SUGCT: variants seen among roughly 807,000 people sequenced by gnomAD.
The protein encoded by SUGCT is succinyl-CoA:glutarate-CoA transferase.
SUGCT carries 41 observed loss-of-function variants against 55.0 expected under a neutral mutation model. That is an observed-to-expected ratio of 0.74 (90% CI 0.58 to 0.97). The LOEUF is 0.97. Ranked by LOEUF, SUGCT falls within the 50% of genes least tolerant of loss-of-function variation. The pLI is 0.00. For synonymous variants in SUGCT, 187 were observed against 200.4 expected, an observed-to-expected ratio of 0.93 and a Z score of 0.56; for missense variants, 568 against 547.8, an observed-to-expected ratio of 1.04 and a Z score of -0.37.
At chr7:40,547,712 A>T (rs1368305241) in intron 12 of SUGCT, among the ~76,000 whole-genome samples, 1 of 152,220 alleles carries the variant, frequency 6.6e-6, no homozygotes, top group Non-Finnish European at 1.5e-5. Context: ...TTCTCTTTAT[A>T]GCTTTTTAAA....
intron 12 of SUGCT, among the ~76,000 whole-genome samples, chr7:40,617,528 CGTT>C (rs1799066334): frequency 1.3e-5 from 2 of 149,328 alleles, no homozygotes; most frequent in South Asian, 4.3e-4. Flanking sequence ...TTTTCTTACT[CGTT>C]GACTTGCTCT....
chr7:40,888,293 C>T, the SUGCT span, among the ~76,000 whole-genome samples: 1 of 152,068 alleles, frequency 6.6e-6, no homozygotes, highest in Non-Finnish European at 1.5e-5. Flanking sequence ...GCAAATGCTT[C>T]TCCATGAAGT....
intron 11 of SUGCT, among the ~76,000 whole-genome samples, chr7:40,466,739 C>T (rs1328529662): frequency 6.6e-6 from 1 of 152,146 alleles, no homozygotes; most frequent in Non-Finnish European, 1.5e-5. Context: ...CAGAAAAGAG[C>T]AGTGGTAGCT....
chr7:40,870,699 T>C, the SUGCT span, among the ~76,000 whole-genome samples: 23 of 152,354 alleles, frequency 1.5e-4, no homozygotes, highest in Non-Finnish European at 2.2e-4. Flanking sequence ...TAAACAATTA[T>C]TTGGTATTCT....
chr7:40,523,638 G>A (rs182746749), intron 12 of SUGCT, among the ~76,000 whole-genome samples: 2 of 152,140 alleles, frequency 1.3e-5, no homozygotes, highest in Non-Finnish European at 1.5e-5. Context: ...TCTAGGGGAG[G>A]ATCTACTTCT....
chr7:40,715,856 G>A (rs779371129), intron 12 of SUGCT, among the ~76,000 whole-genome samples: 1 of 152,092 alleles, frequency 6.6e-6, no homozygotes, highest in Non-Finnish European at 1.5e-5. Context: ...GCCCTCCCCT[G>A]TTTCCTCTTG....
rs142448752 is a variant in SUGCT, at chr7:40,228,037, C to T, written c.485-9598C>T. On this transcript the variant is annotated intron_variant, in intron 6 of 13. Coordinates refer to ENST00000335693, the MANE Select transcript of SUGCT (RefSeq NM_001193313.2). ...AGCTGGGATTACAGGCATGCGCTAC[C>T]ATGCCTGGCTAATTTTGTATTTTTA... Among the ~76,000 whole-genome samples, 7 of 152,100 alleles carry T rather than the reference C, an allele frequency of 4.6e-5. No individual in the cohort carries two copies. The East Asian group carries it at 1.4e-3, about 29-fold the overall frequency.
intron 12 of SUGCT, among the ~76,000 whole-genome samples, chr7:40,626,702 T>A (rs1799543501): frequency 6.6e-6 from 1 of 152,160 alleles, no homozygotes; most frequent in Non-Finnish European, 1.5e-5. Flanking sequence ...AATGGGTTCT[T>A]GGGGTCAGAC....
chr7:40,552,712 A>C (rs1168734256), intron 12 of SUGCT, among the ~76,000 whole-genome samples: 3 of 152,172 alleles, frequency 2.0e-5, no homozygotes, highest in East Asian at 1.9e-4. Flanking sequence ...GGAAAAGGGC[A>C]AATTATGTTT....
chr7:40,980,702 A>G, the SUGCT span, among the ~76,000 whole-genome samples: 1 of 152,108 alleles, frequency 6.6e-6, no homozygotes, highest in East Asian at 1.9e-4. Flanking sequence ...GGCAAATACC[A>G]TTAAATTTTT....
At chr7:41,003,484 T>G in the SUGCT span, among the ~76,000 whole-genome samples, 3 of 152,206 alleles carry the variant, frequency 2.0e-5, no homozygotes, top group South Asian at 6.2e-4. Flanking sequence ...AATGCAAATT[T>G]CCTGTGCTTG....
chr7:40,248,884 G>A (rs10262437), intron 7 of SUGCT, among the ~76,000 whole-genome samples: 61,286 of 139,798 alleles, frequency 0.44, 12,805 homozygotes, highest in East Asian at 0.51. Flanking sequence ...GCGCGCGCGC[G>A]CTCGCACACA....
chr7:40,403,623 CA>C (rs1342177309), intron 9 of SUGCT, among the ~76,000 whole-genome samples: 6 of 152,126 alleles, frequency 3.9e-5, no homozygotes, highest in African/African-American at 1.2e-4. Context: ...TCACATAACC[CA>C]AACCTGTCAA....
chr7:40,151,028 A>C (rs1788540227), intron 1 of SUGCT, among the ~76,000 whole-genome samples: 1 of 152,098 alleles, frequency 6.6e-6, no homozygotes, highest in Non-Finnish European at 1.5e-5. Flanking sequence ...CAAGATCAGG[A>C]GATTGAGACC....
chr7:40,625,311 G>A (rs1272105973), intron 12 of SUGCT, among the ~76,000 whole-genome samples: 2 of 151,998 alleles, frequency 1.3e-5, no homozygotes, highest in African/African-American at 4.8e-5. Flanking sequence ...AACTGTTCGT[G>A]AAGATTTTCA....
At chr7:40,485,032 A>G (rs529201658) in intron 11 of SUGCT, among the ~76,000 whole-genome samples, 1 of 152,094 alleles carries the variant, frequency 6.6e-6, no homozygotes. Context: ...CTTACCCCAC[A>G]GGATGTTGGA....
chr7:40,861,808 C>T (rs1245300687), downstream of SUGCT, among the ~76,000 whole-genome samples: 1 of 152,138 alleles, frequency 6.6e-6, no homozygotes, highest in Non-Finnish European at 1.5e-5. Flanking sequence ...CTCTGCTTTG[C>T]TTTTTGTGGA....
chr7:40,518,640 C>A (rs1009505601), intron 12 of SUGCT, among the ~76,000 whole-genome samples: 2 of 152,062 alleles, frequency 1.3e-5, no homozygotes, highest in African/African-American at 4.8e-5. Context: ...ATGTAGCTCC[C>A]AGATCTTGTT....
At chr7:40,712,549 T>C (rs1785783902) in intron 12 of SUGCT, among the ~76,000 whole-genome samples, 1 of 152,250 alleles carries the variant, frequency 6.6e-6, no homozygotes, top group Admixed American at 6.5e-5. Flanking sequence ...TAGGATTATA[T>C]AAAATTTGTC....
Sources: allele counts gnomAD v4.1 joint callset (sites outside exome capture counted in the v4.1 genomes callset), GRCh38; gene constraint gnomAD v4.1.1; transcripts MANE v1.5; gene names NCBI Gene and HGNC (gene_info 2026-07-23, HGNC 2026-07-21).